The following GRIN1 variants were observed in gnomAD, a reference collection of about 807,000 sequenced individuals.
The protein encoded by GRIN1 is glutamate ionotropic receptor NMDA type subunit 1, also known as glutamate receptor ionotropic, NMDA 1.
In GRIN1, 38 loss-of-function variants were observed where a neutral mutation model predicts 103.0. The observed-to-expected ratio is 0.37, with a 90% CI of 0.28 to 0.48. The LOEUF is 0.48. Among genes scored for constraint, GRIN1 ranks in the 20% least tolerant of loss-of-function variants. GRIN1 has a pLI of 0.98. For missense variants in GRIN1, 577 were observed against 1,288.9 expected (o/e 0.45, Z 8.46); for synonymous variants, 544 against 532.7 (o/e 1.02, Z -0.29).
chr9:137,160,730 G>A (rs970794414), intron 8 of GRIN1, among the ~76,000 whole-genome samples: 1 of 151,662 alleles, frequency 6.6e-6, no homozygotes, highest in Non-Finnish European at 1.5e-5. Context: ...GCACCTGGCG[G>A]GGAATCATGT....
chr9:137,145,953 G>C (rs530184192), intron 3 of GRIN1, 51 bp downstream of exon 3: 1 of 1,353,560 alleles, frequency 7.4e-7, no homozygotes, highest in Non-Finnish European at 1.0e-6. Flanking sequence ...GGTGCAGGAC[G>C]GGCCGCCTTG....
In GRIN1 at chr9:137,162,661, C is replaced by A. The variant is rs748632219; in HGVS notation, c.1935C>A (p.Ala645=). 1 of 1,612,170 alleles carries A rather than the reference C, an allele frequency of 6.2e-7. No homozygotes were observed. Among genetic ancestry groups the A allele is most frequent in the Non-Finnish European group, 8.5e-7 (1 of 1,179,528 alleles). Residue 645 remains alanine, a synonymous_variant, in exon 14 of 20, where the codon GCC becomes GCA. Coordinates refer to ENST00000371561, the MANE Select transcript of GRIN1 (RefSeq NM_007327.4). ...VWAGFAMIIV[A]SYTANLAAFL... ...CCGGCTTTGCCATGATCATCGTGGC[C>A]TCCTACACCGCCAACCTGGCGGCCT...
At chr9:137,144,809 C>A (rs1248122431) in intron 2 of GRIN1, among the ~76,000 whole-genome samples, 3 of 5,298 alleles carry the variant, frequency 5.7e-4, no homozygotes, top group Non-Finnish European at 7.1e-4. Context: ...GGGTGGGAGA[C>A]ACGAGGGGGT....
chr9:137,168,619 A>C lies in GRIN1; in HGVS notation c.*1092A>C. The C allele has an allele frequency of 3.0e-6, 1 of 335,206 alleles. No homozygotes were observed. The highest frequency in any genetic ancestry group is 5.3e-6 in the Non-Finnish European group (1 of 188,520). The allele number at this position is 335,206 out of a possible 1,614,324, so 20.8% of individuals were successfully genotyped here. On this transcript the variant is annotated 3_prime_UTR_variant, in exon 20 of 20. Transcript: ENST00000371561. ...CACCTTGTACAGAACCAGCACTCCC[A>C]GGGCCCGAGCGCGTGCCTTCCCCGT...
chr9:137,157,032 CA>C lies in GRIN1; in HGVS notation c.965del (p.Lys322ArgfsTer4). The C allele has an allele frequency of 6.4e-7, 1 of 1,568,662 alleles. No individual in the cohort carries two copies. Among genetic ancestry groups the C allele is most frequent in the Non-Finnish European group, 8.7e-7 (1 of 1,154,466 alleles). On this transcript the variant is annotated frameshift_variant, in exon 6 of 20. Transcript: ENST00000371561. LOFTEE classifies it high-confidence loss of function. ...TNIWKTGPLF[K>X]RVLMSSKYAD... ...ACATCTGGAAGACCGGGCCGCTCTT[CA>C]AGAGGTGGGCGGGGCCTCCCCGGAG...
chr9:137,157,113 G>A, intron 6 of GRIN1, 76 bp downstream of exon 6: 5 of 1,187,130 alleles, frequency 4.2e-6, no homozygotes, highest in Non-Finnish European at 5.8e-6. Flanking sequence ...GATGGGCGGG[G>A]CCGCTCTTGG....
At chr9:137,142,484 C>T (rs1475223827) in intron 2 of GRIN1, among the ~76,000 whole-genome samples, 1 of 151,498 alleles carries the variant, frequency 6.6e-6, no homozygotes, top group Non-Finnish European at 1.5e-5. Context: ...ACATCACACA[C>T]TCACACATTC....
intron 4 of GRIN1, among the ~76,000 whole-genome samples, chr9:137,152,638 AC>A (rs1832972826): frequency 6.6e-6 from 1 of 151,966 alleles, no homozygotes; most frequent in African/African-American, 2.4e-5. Flanking sequence ...CCACAGGTTG[AC>A]CCCGCGTTGC....
Position 137,162,210 on chromosome 9 carries a change from G to A in GRIN1, c.1671G>A (p.Pro557=). The A allele has an allele frequency of 2.6e-6, 4 of 1,544,422 alleles. No homozygotes were observed. The highest frequency in any genetic ancestry group is 2.4e-5 in the East Asian group (1 of 41,296). ...GCACGCTGGACTCGTTCATGCAGCC[G>A]TTCCAGAGCACACTGTGGCTGCTGG... ...PRSTLDSFMQ[P]FQSTLWLLVG... Residue 557 remains proline (P), a synonymous_variant, in exon 12 of 20, where the codon CCG becomes CCA. Coordinates refer to ENST00000371561, the MANE Select transcript of GRIN1 (RefSeq NM_007327.4).
chr9:137,167,856 G>T lies in GRIN1; in HGVS notation c.*329G>T. ...ACCGTGGTGTGAGGCCCCCGGAGGC[G>T]CCCACCTGCCCAGTTAGCCCGGCCA... is the stretch of plus-strand genomic sequence containing the variant. On this transcript the variant is annotated 3_prime_UTR_variant, in exon 20 of 20. Coordinates refer to ENST00000371561, the MANE Select transcript of GRIN1 (RefSeq NM_007327.4). 1.2e-6 allele frequency: 2 copies of T among 1,609,430 alleles called. No homozygotes were observed. The highest frequency in any genetic ancestry group is 1.7e-6 in the Non-Finnish European group (2 of 1,177,690).
intron 18 of GRIN1, chr9:137,164,549 AG>A: frequency 5.7e-6 from 1 of 175,798 alleles, no homozygotes; most frequent in Non-Finnish European, 1.2e-5. Context: ...CTGTGTCCTG[AG>A]ATGAAGCCGA....
chr9:137,156,062 G>A (rs1003514288), intron 4 of GRIN1, among the ~76,000 whole-genome samples: 2 of 152,200 alleles, frequency 1.3e-5, no homozygotes, highest in African/African-American at 4.8e-5. Flanking sequence ...GAGGTCTTAG[G>A]AGCTCGGGTC....
At position 137,167,957 on chromosome 9, in the gene GRIN1, C is replaced by T. The variant is rs948001993; in HGVS notation, c.*430C>T. The T allele has an allele frequency of 2.1e-6, 2 of 931,710 alleles. No homozygotes were observed. The highest frequency in any genetic ancestry group is 4.0e-5 in the Admixed American group (2 of 50,298). 57.7% of individuals were successfully genotyped at this position (931,710 alleles called of 1,614,324 possible). On this transcript the variant is annotated 3_prime_UTR_variant, in exon 20 of 20. Coordinates refer to ENST00000371561, the MANE Select transcript of GRIN1 (RefSeq NM_007327.4). ...GCCCCAGAGACTGCCCACCCTGGGC[C>T]TCCCGTCCGTCCGCCCGCCCACCCC...
chr9:137,144,466 A>C (rs1349119143), intron 2 of GRIN1, among the ~76,000 whole-genome samples: 2 of 151,628 alleles, frequency 1.3e-5, no homozygotes, highest in African/African-American at 2.4e-5. Flanking sequence ...CATCCTGGCT[A>C]ATACGGTGAA....
intron 2 of GRIN1, among the ~76,000 whole-genome samples, chr9:137,144,517 T>A (rs946599235): frequency 1.1e-4 from 17 of 151,432 alleles, no homozygotes; most frequent in South Asian, 2.1e-4. Context: ...TAGCCGGGCG[T>A]GGTGGCGGGC....
rs1032504102 is a variant in GRIN1, at chr9:137,165,055, AGCACAGGGAG to A, written c.2590-127_2590-118del. On this transcript the variant is annotated intron_variant, in intron 18 of 19. Transcript: ENST00000371561. Reference sequence around the variant, plus strand: ...ACGTCCGCTGTCGGCCCGTCTGTCCAGCACAGGGAGGCAGGCAGGAGCGAGGGCCCAAGTG... The same window carrying A: ...ACGTCCGCTGTCGGCCCGTCTGTCCAGCAGGCAGGAGCGAGGGCCCAAGTG... The A allele has an allele frequency of 7.7e-6, 6 of 777,358 alleles. No individual in the cohort carries two copies. The African/African-American group carries it at 1.0e-4, about 13-fold the overall frequency. The allele number at this position is 777,358 out of a possible 1,614,324, so 48.2% of individuals were successfully genotyped here. A position where few individuals can be genotyped will look rare whatever the true frequency, so the allele number is the denominator to read the frequency against.
At chr9:137,163,053 G>A in intron 15 of GRIN1, 50 bp downstream of exon 15, 1 of 1,558,698 alleles carries the variant, frequency 6.4e-7, no homozygotes, top group Non-Finnish European at 8.7e-7. Flanking sequence ...GCGGGGAGGG[G>A]GAGGGTGGCC....
intron 19 of GRIN1, among the ~76,000 whole-genome samples, chr9:137,166,094 A>C (rs1588741576): frequency 6.6e-6 from 1 of 152,078 alleles, no homozygotes; most frequent in African/African-American, 2.4e-5. Flanking sequence ...GCGGCCCCAC[A>C]AGCCCTGGCC....
intron 19 of GRIN1, 82 bp downstream of exon 19, chr9:137,165,378 C>T (rs1041871856): frequency 1.8e-5 from 16 of 903,710 alleles, no homozygotes; most frequent in East Asian, 1.2e-4. Context: ...CACCCCGCCC[C>T]GGACCCTGGG....
Sources: allele counts gnomAD v4.1 joint callset (sites outside exome capture counted in the v4.1 genomes callset), GRCh38; gene constraint gnomAD v4.1.1; transcripts MANE v1.5; gene names NCBI Gene and HGNC (gene_info 2026-07-23, HGNC 2026-07-21).